SPAG16: variants seen among roughly 807,000 people sequenced by gnomAD.
SPAG16 encodes the protein sperm-associated antigen 16 protein.
SPAG16 carries 86 observed loss-of-function variants against 80.4 expected under a neutral mutation model. That is an observed-to-expected ratio of 1.07 (90% confidence interval 0.90 to 1.28). SPAG16 has a LOEUF of 1.28. Ranked by LOEUF, SPAG16 falls within the 50% of genes most tolerant of loss-of-function variation. The pLI, the probability that SPAG16 is intolerant of heterozygous loss-of-function variation, is 0.00. For synonymous variants in SPAG16, 294 were observed against 265.9 expected (o/e 1.11, Z -1.03); for missense variants, 870 against 765.3 (o/e 1.14, Z -1.61).
chr2:213,918,139 A>C (rs555943097), intron 11 of SPAG16, among the ~76,000 whole-genome samples: 36 of 152,266 alleles, frequency 2.4e-4, no homozygotes, highest in African/African-American at 7.5e-4. Flanking sequence ...ATGATGGATT[A>C]GTTTTTTGAT....
intron 10 of SPAG16, among the ~76,000 whole-genome samples, chr2:213,755,869 C>T (rs566335142): frequency 5.3e-5 from 8 of 152,126 alleles, no homozygotes; most frequent in Non-Finnish European, 1.0e-4. Context: ...CCAAATTATT[C>T]AGACATATAT....
At chr2:213,368,423 T>C (rs929850095) in intron 8 of SPAG16, among the ~76,000 whole-genome samples, 3 of 152,124 alleles carry the variant, frequency 2.0e-5, no homozygotes, top group Non-Finnish European at 2.9e-5. Context: ...CTCAAAATAA[T>C]AAGAGCTATT....
At chr2:213,638,380 A>G (rs774615091) in intron 10 of SPAG16, among the ~76,000 whole-genome samples, 1 of 152,050 alleles carries the variant, frequency 6.6e-6, no homozygotes, top group Non-Finnish European at 1.5e-5. Context: ...TAGGCATTTA[A>G]TGCTACTAAC....
chr2:214,149,691 A>G (rs1309990163), intron 15 of SPAG16, among the ~76,000 whole-genome samples: 1 of 152,124 alleles, frequency 6.6e-6, no homozygotes, highest in Non-Finnish European at 1.5e-5. Context: ...AATTTAATGA[A>G]TTACCCCATA....
intron 10 of SPAG16, among the ~76,000 whole-genome samples, chr2:213,603,733 A>G (rs528999570): frequency 6.6e-6 from 1 of 152,354 alleles, no homozygotes; most frequent in African/African-American, 2.4e-5. Flanking sequence ...CTTATGATGT[A>G]TAGAATAAAA....
At chr2:213,318,313 T>A (rs527244214) in intron 5 of SPAG16, among the ~76,000 whole-genome samples, 1 of 152,170 alleles carries the variant, frequency 6.6e-6, no homozygotes, top group South Asian at 2.1e-4. Context: ...TGGAATACTA[T>A]TCAGCCATAA....
intron 11 of SPAG16, among the ~76,000 whole-genome samples, chr2:213,869,603 G>A (rs1367319006): frequency 6.7e-6 from 1 of 149,304 alleles, no homozygotes; most frequent in African/African-American, 2.5e-5. Context: ...ACCTTTATGT[G>A]AAAGGGCTAA....
chr2:214,174,898 G>A (rs1469980146), intron 15 of SPAG16, among the ~76,000 whole-genome samples: 2 of 151,710 alleles, frequency 1.3e-5, no homozygotes, highest in Non-Finnish European at 2.9e-5. Context: ...CATTCAGTTA[G>A]CAAGTACTAG....
chr2:214,210,806 T>C (rs1317893212), intron 15 of SPAG16, among the ~76,000 whole-genome samples: 2 of 151,766 alleles, frequency 1.3e-5, no homozygotes, highest in East Asian at 1.9e-4. Context: ...AATTTGGAAT[T>C]AAGCAAAAAA....
chr2:214,164,032 T>G (rs532150833), intron 15 of SPAG16, among the ~76,000 whole-genome samples: 4 of 152,124 alleles, frequency 2.6e-5, no homozygotes, highest in African/African-American at 7.2e-5. Flanking sequence ...CCTATCCAAA[T>G]TGACATATAA....
chr2:213,329,762 T>G (rs1016559414), intron 5 of SPAG16, among the ~76,000 whole-genome samples: 1 of 152,148 alleles, frequency 6.6e-6, no homozygotes, highest in Non-Finnish European at 1.5e-5. Context: ...CTCCAGGGCA[T>G]GTCAGAGACC....
intron 9 of SPAG16, among the ~76,000 whole-genome samples, chr2:213,475,885 A>G (rs1466348858): frequency 2.6e-5 from 4 of 152,232 alleles, no homozygotes; most frequent in Middle Eastern, 3.2e-3. Context: ...AGTCCTTCAC[A>G]TAGAAAAGCT....
intron 13 of SPAG16, among the ~76,000 whole-genome samples, chr2:214,082,679 T>A (rs1231779774): frequency 1.3e-5 from 2 of 152,208 alleles, no homozygotes; most frequent in Non-Finnish European, 2.9e-5. Context: ...AGTTCTCCGA[T>A]GGCTTTACCT....
Position 213,764,053 on chromosome 2 carries a change from C to A in SPAG16, c.1071-98432C>A, listed in dbSNP as rs145336806. On this transcript the variant is annotated intron_variant, in intron 10 of 15. Transcript: ENST00000331683. Reference sequence around the variant, plus strand: ...GAGTCACAAGTGAATCTCTAAGATACCCTCAAAGACTCAGGACTATTGCTC... The same window carrying A: ...GAGTCACAAGTGAATCTCTAAGATAACCTCAAAGACTCAGGACTATTGCTC... Among the ~76,000 whole-genome samples, 1,196 of 152,248 alleles carry A rather than the reference C, an allele frequency of 7.9e-3. 14 individuals carry two copies. Among genetic ancestry groups the A allele is most frequent in the African/African-American group, 0.027 (1,139 of 41,554 alleles).
chr2:213,543,161 A>G (rs1163437179), intron 10 of SPAG16, among the ~76,000 whole-genome samples: 1 of 152,080 alleles, frequency 6.6e-6, no homozygotes, highest in East Asian at 1.9e-4. Flanking sequence ...ACAAACTACC[A>G]AAGCTTACTC....
intron 10 of SPAG16, among the ~76,000 whole-genome samples, chr2:213,634,482 G>A (rs922519684): frequency 6.6e-5 from 10 of 152,120 alleles, no homozygotes; most frequent in African/African-American, 2.4e-4. Context: ...TTATAATACT[G>A]TGTGTTTTCC....
At chr2:213,386,638 T>A (rs2067444678) in intron 9 of SPAG16, among the ~76,000 whole-genome samples, 1 of 152,190 alleles carries the variant, frequency 6.6e-6, no homozygotes, top group Non-Finnish European at 1.5e-5. Context: ...TTCTTATATA[T>A]CTTTTATAAC....
At chr2:214,370,205 A>G (rs1699723054) in intron 15 of SPAG16, among the ~76,000 whole-genome samples, 2 of 151,964 alleles carry the variant, frequency 1.3e-5, no homozygotes, top group Admixed American at 1.3e-4. Flanking sequence ...TCCACCACAA[A>G]TCTCTCCATA....
At chr2:214,256,576 G>A (rs113416210) in intron 15 of SPAG16, among the ~76,000 whole-genome samples, 1,405 of 85,898 alleles carry the variant, frequency 0.016, 20 homozygotes, top group African/African-American at 0.052. Flanking sequence ...AAATCTGGGC[G>A]AGAGTTTTTG....
Sources: allele counts gnomAD v4.1 joint callset (sites outside exome capture counted in the v4.1 genomes callset), GRCh38; gene constraint gnomAD v4.1.1; transcripts MANE v1.5; gene names NCBI Gene and HGNC (gene_info 2026-07-23, HGNC 2026-07-21).